GNAQ: variants seen among roughly 807,000 people sequenced by gnomAD.
The protein encoded by GNAQ is guanine nucleotide-binding protein G(q) subunit alpha.
A neutral mutation model predicts 43.9 loss-of-function variants in GNAQ; 8 were observed. That is an observed-to-expected ratio of 0.18 (90% CI 0.11 to 0.33). The LOEUF (loss-of-function observed/expected upper bound fraction) is 0.33. Ranked by LOEUF, GNAQ falls within the 10% of genes least tolerant of loss-of-function variation. GNAQ has a pLI of 1.00. For synonymous variants in GNAQ, 155 were observed against 170.7 expected (o/e 0.91, Z 0.71); for missense variants, 158 against 450.8 (o/e 0.35, Z 5.88).
At chr9:77,767,179 C>A (rs1826150240) in intron 5 of GNAQ, among the ~76,000 whole-genome samples, 1 of 152,012 alleles carries the variant, frequency 6.6e-6, no homozygotes, top group Admixed American at 6.6e-5. Context: ...GTATGGCGGC[C>A]CTCTAGGTTC....
intron 1 of GNAQ, among the ~76,000 whole-genome samples, chr9:77,989,478 T>C (rs911710379): frequency 6.6e-6 from 1 of 152,152 alleles, no homozygotes; most frequent in African/African-American, 2.4e-5. Flanking sequence ...ATATTGGAGG[T>C]GGCCATGTGA....
chr9:77,794,571 T>C lies in GNAQ; in HGVS notation c.627A>G (p.Gln209=), dbSNP rs2118444312. The C allele has an allele frequency of 1.2e-6, 2 of 1,607,568 alleles. No homozygotes were observed. Among genetic ancestry groups the C allele is most frequent in the Non-Finnish European group, 1.7e-6 (2 of 1,174,968 alleles). The change falls in exon 5 of 7, where the codon CAA becomes CAG. Residue 209 remains glutamine (Q), a synonymous_variant. Transcript: ENST00000286548. The part of the protein sequence containing the change: ...VIFRMVDVGG[Q]RSERRKWIHC... ...GTATCCATTTTCTTCTCTCTGACCT[T>C]TGGCCCCCTACATCGACCATTCTGC...
intron 2 of GNAQ, among the ~76,000 whole-genome samples, chr9:77,878,503 CATTGTAT>C (rs1828161681): frequency 6.6e-6 from 1 of 152,008 alleles, no homozygotes; most frequent in East Asian, 1.9e-4. Context: ...AATTGAACTG[CATTGTAT>C]ATAAAATGCC....
chr9:77,987,108 CCTTTT>C (rs1401782260), intron 1 of GNAQ, among the ~76,000 whole-genome samples: 2 of 152,140 alleles, frequency 1.3e-5, no homozygotes, highest in African/African-American at 2.4e-5. Context: ...ACTTGTTCTT[CCTTTT>C]CTTTTCTTTG....
chr9:77,922,482 T>A, intron 1 of GNAQ, 137 bp from the exon 2 acceptor site: 1 of 635,872 alleles, frequency 1.6e-6, no homozygotes, highest in Non-Finnish European at 2.8e-6. Flanking sequence ...TTGGAAACAC[T>A]ACCTATGGTG....
intron 1 of GNAQ, among the ~76,000 whole-genome samples, chr9:77,964,905 A>C (rs1268535858): frequency 2.0e-5 from 3 of 152,218 alleles, no homozygotes; most frequent in East Asian, 3.9e-4. Flanking sequence ...AACTTCTCTA[A>C]TATACTGGGC....
At chr9:77,840,897 G>C (rs1827480387) in intron 2 of GNAQ, among the ~76,000 whole-genome samples, 1 of 152,062 alleles carries the variant, frequency 6.6e-6, no homozygotes. Flanking sequence ...GAGAGCACTG[G>C]AGAGAGATGA....
chr9:77,919,302 G>T (rs1828961413), intron 2 of GNAQ, among the ~76,000 whole-genome samples: 1 of 152,172 alleles, frequency 6.6e-6, no homozygotes, highest in East Asian at 1.9e-4. Context: ...AATGAAGAAT[G>T]AATGCAAAGA....
At chr9:77,914,244 C>CTCCA (rs1024732974) in intron 2 of GNAQ, among the ~76,000 whole-genome samples, 2 of 152,144 alleles carry the variant, frequency 1.3e-5, no homozygotes, top group Non-Finnish European at 2.9e-5. Flanking sequence ...TTACCAGAGA[C>CTCCA]TCCATGGTGA....
At chr9:77,863,030 C>T (rs1402669957) in intron 2 of GNAQ, among the ~76,000 whole-genome samples, 4 of 152,052 alleles carry the variant, frequency 2.6e-5, no homozygotes, top group South Asian at 2.1e-4. Context: ...CAAAATTAGC[C>T]GGGTGTGGTG....
chr9:77,910,460 CA>C (rs1828781377), intron 2 of GNAQ, among the ~76,000 whole-genome samples: 1 of 152,208 alleles, frequency 6.6e-6, no homozygotes, highest in South Asian at 2.1e-4. Context: ...ACCAGCTTCA[CA>C]ACTTCCTACT....
At position 77,762,254 on chromosome 9, in the gene GNAQ, G is replaced by A. The variant is rs553953860; in HGVS notation, c.735+32209C>T. 2.6e-3 allele frequency among the ~76,000 whole-genome samples: 379 copies of A among 143,818 alleles called. 1 individual carries two copies. The highest frequency in any genetic ancestry group is 9.3e-3 in the African/African-American group (361 of 38,892). The allele number at this position is 143,818 out of a possible 152,430, so 94.4% of individuals were successfully genotyped here. A position where few individuals can be genotyped will look rare whatever the true frequency, so the allele number is the denominator to read the frequency against. The stretch of plus-strand genomic sequence containing the variant: ...GCCCCTTCCGGGAGGGAGGTTGGGG[G>A]GTCAGCCCCCCGCCTGGCCAGCCGC... On this transcript the variant is annotated intron_variant, in intron 5 of 6. Transcript: ENST00000286548.
At chr9:77,898,352 T>C (rs560876766) in intron 2 of GNAQ, among the ~76,000 whole-genome samples, 61 of 152,302 alleles carry the variant, frequency 4.0e-4, no homozygotes, top group African/African-American at 1.4e-3. Context: ...TCATCTTTAG[T>C]TAAAATAATA....
At chr9:77,812,749 C>T (rs1826947585) in intron 3 of GNAQ, among the ~76,000 whole-genome samples, 1 of 151,730 alleles carries the variant, frequency 6.6e-6, no homozygotes, top group African/African-American at 2.4e-5. Context: ...GGAAAATGTC[C>T]TACTTTTTTA....
chr9:77,958,389 A>G (rs976182034), intron 1 of GNAQ, among the ~76,000 whole-genome samples: 4 of 152,198 alleles, frequency 2.6e-5, no homozygotes, highest in Non-Finnish European at 5.9e-5. Flanking sequence ...AAGGAAGTAG[A>G]AAAGTACATC....
In GNAQ at chr9:77,966,295, T is replaced by C. The variant is rs116937168; in HGVS notation, c.137-43950A>G. Among the ~76,000 whole-genome samples, 459 of 152,270 alleles carry C rather than the reference T, an allele frequency of 3.0e-3. 2 individuals carry two copies. Among genetic ancestry groups the C allele is most frequent in the Admixed American group, 4.8e-3 (73 of 15,290 alleles). Reference sequence around the variant, plus strand: ...GTGACAAAACATCAAATTCTACATATTAAATATGTGCAGCTTACTGAGTAT... The same window carrying C: ...GTGACAAAACATCAAATTCTACATACTAAATATGTGCAGCTTACTGAGTAT... On this transcript the variant is annotated intron_variant, in intron 1 of 6. Coordinates refer to ENST00000286548, the MANE Select transcript of GNAQ (RefSeq NM_002072.5).
intron 5 of GNAQ, among the ~76,000 whole-genome samples, chr9:77,793,130 GCA>G (rs1401504921): frequency 6.6e-6 from 1 of 152,068 alleles, no homozygotes; most frequent in Non-Finnish European, 1.5e-5. Context: ...TAACAAACAA[GCA>G]CAGACATAAA....
At chr9:77,734,062 C>T (rs1321101614) in intron 5 of GNAQ, among the ~76,000 whole-genome samples, 1 of 152,176 alleles carries the variant, frequency 6.6e-6, no homozygotes, top group Non-Finnish European at 1.5e-5. Flanking sequence ...GACAATATTT[C>T]GTGTCTACAC....
chr9:77,723,369 G>C (rs1278007538), intron 6 of GNAQ, among the ~76,000 whole-genome samples: 1 of 152,166 alleles, frequency 6.6e-6, no homozygotes, highest in African/African-American at 2.4e-5. Context: ...CCATATGACC[G>C]ACCCTGCTAG....
Sources: allele counts gnomAD v4.1 joint callset (sites outside exome capture counted in the v4.1 genomes callset), GRCh38; gene constraint gnomAD v4.1.1; transcripts MANE v1.5; gene names NCBI Gene and HGNC (gene_info 2026-07-23, HGNC 2026-07-21).